The following ROBO1 variants were observed in gnomAD, a reference collection of about 807,000 sequenced individuals.
ROBO1 encodes roundabout homolog 1.
Under a neutral mutation model 195.9 loss-of-function variants are expected in ROBO1, and 149 were observed. That is an observed-to-expected ratio of 0.76 (90% CI 0.67 to 0.87). The LOEUF (loss-of-function observed/expected upper bound fraction) is 0.87. Ranked by LOEUF, ROBO1 falls within the 40% of genes least tolerant of loss-of-function variation. The pLI is 0.00. For synonymous variants in ROBO1, 816 were observed against 733.2 expected, an observed-to-expected ratio of 1.11 and a Z score of -1.82; for missense variants, 1,933 against 2,068.3, an observed-to-expected ratio of 0.93 and a Z score of 1.27.
In ROBO1 at chr3:79,220,630, C is replaced by T. The variant is rs1345998211; in HGVS notation, c.89-95091G>A. ...GTGTGGTGGGTGAGGGGGTTATTCT[C>T]TCCAGGAAGGAGCCCAGTTTTGTAT... On this transcript the variant is annotated intron_variant, in intron 2 of 30. Transcript: ENST00000464233. 3.9e-5 allele frequency among the ~76,000 whole-genome samples: 6 copies of T among 151,958 alleles called. No individual in the cohort carries two copies. The East Asian group carries it at 1.2e-3, about 29-fold the overall frequency.
At chr3:79,514,261 T>G (rs1940848923) in intron 2 of ROBO1, among the ~76,000 whole-genome samples, 2 of 152,146 alleles carry the variant, frequency 1.3e-5, no homozygotes, top group African/African-American at 4.8e-5. Flanking sequence ...ATTTGGGGCC[T>G]CAATTCCAAA....
intron 2 of ROBO1, among the ~76,000 whole-genome samples, chr3:79,245,472 C>G (rs1264757365): frequency 6.6e-6 from 1 of 151,978 alleles, no homozygotes; most frequent in Non-Finnish European, 1.5e-5. Flanking sequence ...TTGCCTCTAT[C>G]ATGAACTCTT....
intron 2 of ROBO1, among the ~76,000 whole-genome samples, chr3:79,450,303 TA>T (rs2039399429): frequency 6.9e-6 from 1 of 144,708 alleles, no homozygotes; most frequent in Non-Finnish European, 1.5e-5. Flanking sequence ...AGAAGAGAAC[TA>T]AATGGCAGAG....
chr3:79,721,189 AT>A (rs1702685056), intron 1 of ROBO1, among the ~76,000 whole-genome samples: 1 of 152,144 alleles, frequency 6.6e-6, no homozygotes, highest in Non-Finnish European at 1.5e-5. Flanking sequence ...CTAAACAGTG[AT>A]TGTGGATGCC....
At chr3:79,004,085 C>G (rs72910265) in intron 3 of ROBO1, among the ~76,000 whole-genome samples, 1 of 152,148 alleles carries the variant, frequency 6.6e-6, no homozygotes, top group African/African-American at 2.4e-5. Flanking sequence ...AAGTCCTTAG[C>G]AACCTATTTT....
At chr3:79,610,303 A>G (rs1422674684) in intron 1 of ROBO1, among the ~76,000 whole-genome samples, 1 of 151,892 alleles carries the variant, frequency 6.6e-6, no homozygotes, top group African/African-American at 2.4e-5. Context: ...GATATTGACA[A>G]TAGTAATCAA....
At chr3:78,610,048 A>G (rs973694009) in intron 28 of ROBO1, among the ~76,000 whole-genome samples, 5 of 152,166 alleles carry the variant, frequency 3.3e-5, no homozygotes, top group Non-Finnish European at 7.4e-5. Context: ...TCACACTTTT[A>G]CTTGCATTCT....
chr3:79,554,424 T>C (rs925738087), intron 2 of ROBO1, among the ~76,000 whole-genome samples: 7 of 152,062 alleles, frequency 4.6e-5, no homozygotes, highest in African/African-American at 1.7e-4. Context: ...TTGCAACAGA[T>C]TGCAAAGAGA....
At chr3:78,664,980 A>G (rs1355415199) in intron 14 of ROBO1, among the ~76,000 whole-genome samples, 12 of 152,202 alleles carry the variant, frequency 7.9e-5, no homozygotes, top group Admixed American at 7.9e-4. Context: ...AGCTAGAATA[A>G]GCATAACTCT....
chr3:78,644,488 G>C (rs2107584863), intron 21 of ROBO1, among the ~76,000 whole-genome samples: 1 of 152,112 alleles, frequency 6.6e-6, no homozygotes, highest in East Asian at 1.9e-4. Context: ...TTATTGAACT[G>C]TTGCCTCCGT....
intron 1 of ROBO1, among the ~76,000 whole-genome samples, chr3:79,687,860 C>T (rs1021575485): frequency 6.6e-6 from 1 of 152,078 alleles, no homozygotes; most frequent in Admixed American, 6.6e-5. Context: ...CCCAGCCATC[C>T]CATTACTGGG....
intron 2 of ROBO1, among the ~76,000 whole-genome samples, chr3:79,509,095 T>C (rs1389692887): frequency 3.9e-5 from 6 of 152,168 alleles, no homozygotes; most frequent in African/African-American, 1.4e-4. Flanking sequence ...AGTTAATTTA[T>C]TGCAAAAAGA....
At chr3:78,790,698 A>G (rs2083991753) in intron 4 of ROBO1, among the ~76,000 whole-genome samples, 1 of 152,176 alleles carries the variant, frequency 6.6e-6, no homozygotes, top group African/African-American at 2.4e-5. Flanking sequence ...CATAAAACAG[A>G]AAGTCCCAAG....
At chr3:79,337,489 C>T (rs144615592) in intron 2 of ROBO1, among the ~76,000 whole-genome samples, 2,698 of 152,206 alleles carry the variant, frequency 0.018, 48 homozygotes, top group Non-Finnish European at 0.031. Flanking sequence ...TGAAGAAGGA[C>T]GTGTTTGCTT....
chr3:79,477,076 CTGTAA>C (rs993445720), intron 2 of ROBO1, among the ~76,000 whole-genome samples: 3 of 151,894 alleles, frequency 2.0e-5, no homozygotes, highest in African/African-American at 7.3e-5. Flanking sequence ...TCTACAGCAA[CTGTAA>C]TGTAATAAAA....
chr3:79,297,454 T>G (rs2032654195), intron 2 of ROBO1, among the ~76,000 whole-genome samples: 1 of 152,168 alleles, frequency 6.6e-6, no homozygotes, highest in Non-Finnish European at 1.5e-5. Flanking sequence ...TGATCTCTAG[T>G]GGGCATATGC....
intron 2 of ROBO1, among the ~76,000 whole-genome samples, chr3:79,245,366 A>G (rs1313883727): frequency 1.3e-5 from 2 of 152,106 alleles, no homozygotes; most frequent in African/African-American, 4.8e-5. Flanking sequence ...TTAAAACTGC[A>G]CTAGGGTTAT....
chr3:78,698,088 T>TAAC (rs2081341337), intron 8 of ROBO1, among the ~76,000 whole-genome samples: 1 of 151,948 alleles, frequency 6.6e-6, no homozygotes, highest in Non-Finnish European at 1.5e-5. Context: ...AGAGCTCAGT[T>TAAC]AACACATCTG....
chr3:79,659,539 A>G (rs1946267923), intron 1 of ROBO1, among the ~76,000 whole-genome samples: 1 of 151,998 alleles, frequency 6.6e-6, no homozygotes, highest in Non-Finnish European at 1.5e-5. Context: ...ATTTTGACAT[A>G]CAGTTAATCC....
Sources: gnomAD v4.1 joint callset for allele counts (sites outside exome capture counted in the v4.1 genomes callset) on GRCh38, gnomAD v4.1.1 for gene constraint, MANE v1.5 for transcripts, NCBI Gene and HGNC (gene_info 2026-07-23, HGNC 2026-07-21) for gene names.